DSCAM: variants seen among roughly 807,000 people sequenced by gnomAD.
DSCAM encodes cell adhesion molecule DSCAM.
A neutral mutation model predicts 217.7 loss-of-function variants in DSCAM; 47 were observed. The ratio of observed to expected loss-of-function variants is 0.22; its 90% confidence interval spans 0.17 to 0.28. The LOEUF (loss-of-function observed/expected upper bound fraction) is 0.28, where lower values mean the gene tolerates loss of function less well. Ranked by LOEUF, DSCAM falls within the 10% of genes least tolerant of loss-of-function variation. The pLI, the probability that DSCAM is intolerant of heterozygous loss-of-function variation, is 1.00. For missense variants in DSCAM, 2,080 were observed against 2,618.3 expected (o/e 0.79, Z 4.49); for synonymous variants, 1,056 against 1,015.3 (o/e 1.04, Z -0.76).
chr21:40,044,468 C>G (rs947364283), intron 30 of DSCAM, among the ~76,000 whole-genome samples, 193 bp from the exon 31 acceptor site: 5 of 152,248 alleles, frequency 3.3e-5, no homozygotes, highest in African/African-American at 7.2e-5. Context: ...CTGATACTTA[C>G]GTGTTTAATC....
chr21:40,713,233 A>C, intron 1 of DSCAM, among the ~76,000 whole-genome samples: 1 of 152,022 alleles, frequency 6.6e-6, no homozygotes, highest in Non-Finnish European at 1.5e-5. Context: ...ACCAATGAAA[A>C]CTCTAACTTT....
At chr21:40,030,080 ATGTACG>A (rs769840100) in intron 32 of DSCAM, among the ~76,000 whole-genome samples, 2 of 152,186 alleles carry the variant, frequency 1.3e-5, no homozygotes, top group East Asian at 1.9e-4. Context: ...ACACATGCAC[ATGTACG>A]TGGATACATA....
At chr21:40,380,078 C>T (rs1301475162) in intron 3 of DSCAM, among the ~76,000 whole-genome samples, 4 of 152,174 alleles carry the variant, frequency 2.6e-5, no homozygotes, top group Non-Finnish European at 5.9e-5. Context: ...TTCACTAAGA[C>T]ATTTCTTTTA....
rs1443323337 is a variant in DSCAM, at chr21:40,781,998, A to AAAG, written c.43+64620_43+64621insCTT. The stretch of plus-strand genomic sequence containing the variant: ...CCCATCTCTACTAAAAATACAAAAA[A>AAAG]AAAAAAAAAAAAGAAAAAAAAAATT... On this transcript the variant is annotated intron_variant, in intron 1 of 32. Coordinates refer to ENST00000400454, the MANE Select transcript of DSCAM (RefSeq NM_001389.5). Among the ~76,000 whole-genome samples, 314 of 148,900 alleles carry AAAG rather than the reference A, an allele frequency of 2.1e-3. 1 individual carries two copies. Among genetic ancestry groups the AAAG allele is most frequent in the Non-Finnish European group, 3.7e-3 (246 of 67,302 alleles).
At chr21:40,667,961 G>A (rs1047949322) in intron 3 of DSCAM, among the ~76,000 whole-genome samples, 2 of 152,078 alleles carry the variant, frequency 1.3e-5, no homozygotes, top group Non-Finnish European at 2.9e-5. Flanking sequence ...ATCTATCATA[G>A]ATCAAAACTT....
chr21:40,051,017 C>T (rs75852395), intron 30 of DSCAM, among the ~76,000 whole-genome samples: 2,219 of 152,282 alleles, frequency 0.015, 58 homozygotes, highest in African/African-American at 0.05. Context: ...ATTTCGTAGG[C>T]AATGGGTTTA....
At chr21:40,607,399 GATTT>G (rs1178093196) in intron 3 of DSCAM, among the ~76,000 whole-genome samples, 4 of 126,822 alleles carry the variant, frequency 3.2e-5, no homozygotes, top group Non-Finnish European at 4.9e-5. Flanking sequence ...CTTTAATTCT[GATTT>G]TTTTTTTTTT....
chr21:40,126,401 G>A (rs1209360061), intron 19 of DSCAM, among the ~76,000 whole-genome samples: 4 of 152,104 alleles, frequency 2.6e-5, no homozygotes, highest in Non-Finnish European at 5.9e-5. Flanking sequence ...GTTTGGTCAG[G>A]ACCACTGAGA....
chr21:40,066,033 C>T (rs1251859605), intron 27 of DSCAM, among the ~76,000 whole-genome samples: 2 of 152,244 alleles, frequency 1.3e-5, no homozygotes, highest in Non-Finnish European at 2.9e-5. Flanking sequence ...AGCCCTCCAT[C>T]GTCCCCACCG....
chr21:40,636,401 G>A (rs2089759590), intron 3 of DSCAM, among the ~76,000 whole-genome samples: 1 of 151,912 alleles, frequency 6.6e-6, no homozygotes, highest in Admixed American at 6.6e-5. Flanking sequence ...AGAAAGAGAG[G>A]GAAGAAGGAA....
intron 1 of DSCAM, among the ~76,000 whole-genome samples, chr21:40,810,957 T>C (rs2091832913): frequency 6.6e-6 from 1 of 152,178 alleles, no homozygotes. Context: ...GGTCATTGTA[T>C]GTTTGCAATG....
intron 3 of DSCAM, among the ~76,000 whole-genome samples, chr21:40,522,729 A>G (rs1171665289): frequency 6.6e-6 from 1 of 152,184 alleles, no homozygotes; most frequent in Admixed American, 6.5e-5. Context: ...ATCTAAAGAG[A>G]ATTTTCGTCA....
At chr21:40,619,068 A>G (rs565224621) in intron 3 of DSCAM, among the ~76,000 whole-genome samples, 1 of 152,314 alleles carries the variant, frequency 6.6e-6, no homozygotes, top group East Asian at 1.9e-4. Flanking sequence ...TATAAAGATA[A>G]GCAATTTTAA....
intron 3 of DSCAM, among the ~76,000 whole-genome samples, chr21:40,661,669 C>T (rs915630127): frequency 2.0e-5 from 3 of 152,134 alleles, no homozygotes; most frequent in African/African-American, 7.2e-5. Flanking sequence ...ATCATTAACA[C>T]TAACAGATTG....
At chr21:40,376,404 CTATATCATA>C (rs1182371306) in intron 3 of DSCAM, among the ~76,000 whole-genome samples, 3 of 144,148 alleles carry the variant, frequency 2.1e-5, no homozygotes, top group Non-Finnish European at 4.5e-5. Flanking sequence ...ATATATATAT[CTATATCATA>C]TATATCTTAT....
At chr21:40,192,726 G>A (rs2090965319) in intron 11 of DSCAM, among the ~76,000 whole-genome samples, 1 of 152,012 alleles carries the variant, frequency 6.6e-6, no homozygotes, top group Admixed American at 6.6e-5. Context: ...TGTTGTCAAG[G>A]TTCATCCATG....
chr21:40,276,022 A>G, intron 11 of DSCAM, 75 bp downstream of exon 11: 1 of 1,427,630 alleles, frequency 7.0e-7, no homozygotes, highest in African/African-American at 1.4e-5. Context: ...GTATGTATGG[A>G]GACAATTGAA....
rs1569026240 is a variant in DSCAM at position 40,766,682 on chromosome 21, A to AC, written c.44-57912_44-57911insG. ...AAACAACAATTCCAAAAAAAAAAAA[A>AC]AAAAAACAACTTTTTTTTTTTTTTT... On this transcript the variant is annotated intron_variant, in intron 1 of 32. Coordinates refer to ENST00000400454, the MANE Select transcript of DSCAM (RefSeq NM_001389.5). 1.6e-5 allele frequency among the ~76,000 whole-genome samples: 2 copies of AC among 124,178 alleles called. 1 individual carries two copies. Among genetic ancestry groups the AC allele is most frequent in the African/African-American group, 6.4e-5 (2 of 31,354 alleles). The allele number at this position is 124,178 out of a possible 152,430, so 81.5% of individuals were successfully genotyped here.
At chr21:40,213,639 C>T (rs1170488517) in intron 11 of DSCAM, among the ~76,000 whole-genome samples, 6 of 152,062 alleles carry the variant, frequency 3.9e-5, no homozygotes, top group Admixed American at 2.0e-4. Flanking sequence ...TTTCTAGAAG[C>T]GAAGGGAAAC....
Sources: allele counts gnomAD v4.1 joint callset (sites outside exome capture counted in the v4.1 genomes callset), GRCh38; gene constraint gnomAD v4.1.1; transcripts MANE v1.5; gene names NCBI Gene and HGNC (gene_info 2026-07-23, HGNC 2026-07-21).